Variants in SLC2A13 observed in about 807,000 individuals in gnomAD.
SLC2A13 encodes solute carrier family 2 member 13.
SLC2A13 carries 32 observed loss-of-function variants against 64.4 expected under a neutral mutation model. The ratio of observed to expected loss-of-function variants is 0.50; its 90% CI spans 0.37 to 0.67. The LOEUF (loss-of-function observed/expected upper bound fraction) is 0.67. SLC2A13 is among the 30% of genes least tolerant of loss of function. The probability of loss-of-function intolerance (pLI) is 0.00; values close to 1 mark genes in which losing one functional copy is unlikely to be tolerated. For missense variants in SLC2A13, 743 were observed against 829.2 expected, an observed-to-expected ratio of 0.90 and a Z score of 1.28; for synonymous variants, 338 against 327.1, an observed-to-expected ratio of 1.03 and a Z score of -0.36.
chr12:39,978,991 GCCT>G (rs1165054316), intron 3 of SLC2A13, among the ~76,000 whole-genome samples: 15 of 150,136 alleles, frequency 1.0e-4, no homozygotes, highest in South Asian at 2.2e-4. Context: ...CGGGCAGACT[GCCT>G]CCTCAAGTGG....
At position 40,087,401 on chromosome 12, in the gene SLC2A13, G is replaced by C. The variant is rs570063071; in HGVS notation, c.556+17852C>G. ...TTCATCAGTCATGGTCATATTAGTT[G>C]TAATACTTTAGAAGTAAATATCAAA... On this transcript the variant is annotated intron_variant, in intron 1 of 9. Transcript: ENST00000280871. Among the ~76,000 whole-genome samples, 145 of 152,176 alleles carry C rather than the reference G, an allele frequency of 9.5e-4. 1 individual carries two copies. The highest frequency in any genetic ancestry group is 3.2e-3 in the African/African-American group (132 of 41,492).
chr12:39,911,161 C>T (rs780055113), intron 4 of SLC2A13, among the ~76,000 whole-genome samples: 34 of 152,040 alleles, frequency 2.2e-4, no homozygotes, highest in Non-Finnish European at 3.7e-4. Flanking sequence ...TTACTTTGCA[C>T]TCTAATATGT....
intron 7 of SLC2A13, among the ~76,000 whole-genome samples, chr12:39,797,779 C>T (rs1455494395): frequency 6.6e-6 from 1 of 151,750 alleles, no homozygotes; most frequent in Non-Finnish European, 1.5e-5. Flanking sequence ...CACACACATA[C>T]ACGGATGCAT....
intron 2 of SLC2A13, among the ~76,000 whole-genome samples, chr12:40,030,133 T>G (rs572571916): frequency 6.6e-6 from 1 of 152,222 alleles, no homozygotes; most frequent in Non-Finnish European, 1.5e-5. Context: ...TGGATTTATA[T>G]GACAATATCT....
intron 3 of SLC2A13, among the ~76,000 whole-genome samples, chr12:39,957,767 C>T (rs1946342109): frequency 6.6e-6 from 1 of 152,168 alleles, no homozygotes; most frequent in Non-Finnish European, 1.5e-5. Context: ...CTTGGACTTC[C>T]ATTGATTTCT....
intron 7 of SLC2A13, among the ~76,000 whole-genome samples, chr12:39,779,119 C>T (rs1472727990): frequency 6.6e-6 from 1 of 152,184 alleles, no homozygotes; most frequent in Non-Finnish European, 1.5e-5. Context: ...TCAGTGGCTA[C>T]TAGCCCCTGA....
chr12:39,928,855 T>G lies in SLC2A13; in HGVS notation c.1034+22402A>C, dbSNP rs868653371. 2.6e-5 allele frequency among the ~76,000 whole-genome samples: 4 copies of G among 152,302 alleles called. No individual in the cohort carries two copies. The South Asian group carries it at 8.3e-4, about 32-fold the overall frequency. ...GCAGGATGATTTGTATGACAGACTCTGGAAAGTCTTAAGAATTGGAGGTAC... is the reference window on the plus strand; with the variant it reads ...GCAGGATGATTTGTATGACAGACTCGGGAAAGTCTTAAGAATTGGAGGTAC... On this transcript the variant is annotated intron_variant, in intron 4 of 9. Transcript: ENST00000280871.
intron 7 of SLC2A13, among the ~76,000 whole-genome samples, chr12:39,771,522 C>G (rs936553638): frequency 1.3e-5 from 2 of 152,124 alleles, no homozygotes; most frequent in Non-Finnish European, 1.5e-5. Context: ...AAAAATGAAT[C>G]CTTCTCCAGC....
intron 4 of SLC2A13, among the ~76,000 whole-genome samples, chr12:39,946,852 G>A (rs1194966160): frequency 6.6e-6 from 1 of 152,168 alleles, no homozygotes; most frequent in Non-Finnish European, 1.5e-5. Context: ...CGCCCCATTT[G>A]CGTCCTCCCT....
rs577056753 is a variant in SLC2A13, at chr12:39,779,167, G to C, written c.1446-14309C>G. On this transcript the variant is annotated intron_variant, in intron 7 of 9. Coordinates refer to ENST00000280871, the MANE Select transcript of SLC2A13 (RefSeq NM_052885.4). Reference sequence around the variant, plus strand: ...ATGGGCGGGGTGCAACTGAAGACTGGTTTTTCTTACAGTTTTGCTCTGAGA... The same window carrying C: ...ATGGGCGGGGTGCAACTGAAGACTGCTTTTTCTTACAGTTTTGCTCTGAGA... 1.6e-4 allele frequency among the ~76,000 whole-genome samples: 24 copies of C among 152,270 alleles called. No homozygotes were observed. The South Asian group carries it at 5.0e-3, about 32-fold the overall frequency.
chr12:40,092,789 T>C (rs1346004869), intron 1 of SLC2A13, among the ~76,000 whole-genome samples: 3 of 152,168 alleles, frequency 2.0e-5, no homozygotes, highest in African/African-American at 7.2e-5. Context: ...AGACAGAAGA[T>C]GTGAAGGTCA....
intron 2 of SLC2A13, among the ~76,000 whole-genome samples, chr12:40,033,960 C>T (rs1277778633): frequency 6.6e-6 from 1 of 152,116 alleles, no homozygotes; most frequent in Non-Finnish European, 1.5e-5. Context: ...AACTGCATCC[C>T]GCATTTGTGC....
intron 4 of SLC2A13, among the ~76,000 whole-genome samples, chr12:39,911,257 T>C (rs536228996): frequency 1.3e-5 from 2 of 152,036 alleles, no homozygotes; most frequent in Non-Finnish European, 2.9e-5. Context: ...TTAAAAAAAA[T>C]GAGTTTTTAA....
chr12:39,890,175 A>C (rs1251693743), intron 4 of SLC2A13, among the ~76,000 whole-genome samples: 1 of 152,210 alleles, frequency 6.6e-6, no homozygotes, highest in African/African-American at 2.4e-5. Flanking sequence ...GTTATATGTA[A>C]TGAAGAAATA....
chr12:39,922,584 T>A (rs1274049396), intron 4 of SLC2A13, among the ~76,000 whole-genome samples: 1 of 152,208 alleles, frequency 6.6e-6, no homozygotes, highest in Non-Finnish European at 1.5e-5. Flanking sequence ...CCTGATGACA[T>A]CATTTAAGCC....
intron 1 of SLC2A13, among the ~76,000 whole-genome samples, chr12:40,072,786 A>G (rs977043258): frequency 5.3e-5 from 8 of 152,120 alleles, no homozygotes; most frequent in Admixed American, 2.6e-4. Context: ...AGACAGCAAT[A>G]AAGTTGGGTC....
intron 3 of SLC2A13, among the ~76,000 whole-genome samples, chr12:39,994,443 G>T (rs1397115807): frequency 2.7e-5 from 4 of 150,286 alleles, no homozygotes; most frequent in African/African-American, 9.8e-5. Context: ...TGATACTGCC[G>T]TACATACATA....
chr12:40,075,370 T>C (rs1021205717), intron 1 of SLC2A13, among the ~76,000 whole-genome samples: 2 of 152,196 alleles, frequency 1.3e-5, no homozygotes, highest in Non-Finnish European at 2.9e-5. Context: ...CTCAAGTAAA[T>C]TATGGTTAGC....
At chr12:39,943,284 G>A (rs1946074472) in intron 4 of SLC2A13, among the ~76,000 whole-genome samples, 1 of 152,220 alleles carries the variant, frequency 6.6e-6, no homozygotes, top group South Asian at 2.1e-4. Flanking sequence ...TGAGTGCTGT[G>A]CTGGGAGATT....
Sources: gnomAD v4.1 joint callset for allele counts (sites outside exome capture counted in the v4.1 genomes callset) on GRCh38, gnomAD v4.1.1 for gene constraint, MANE v1.5 for transcripts, NCBI Gene and HGNC (gene_info 2026-07-23, HGNC 2026-07-21) for gene names.